The following IL1RAPL1 variants were observed in gnomAD, a reference collection of about 807,000 sequenced individuals.
IL1RAPL1 encodes interleukin-1 receptor accessory protein-like 1.
Under a neutral mutation model 48.4 loss-of-function variants are expected in IL1RAPL1, and 3 were observed. The observed-to-expected ratio is 0.06, with a 90% CI of 0.03 to 0.16. The LOEUF is 0.16. Among genes scored for constraint, IL1RAPL1 ranks in the 10% least tolerant of loss-of-function variants. The pLI, the probability that IL1RAPL1 is intolerant of heterozygous loss-of-function variation, is 1.00. For synonymous variants in IL1RAPL1, 185 were observed against 187.7 expected, an observed-to-expected ratio of 0.99 and a Z score of 0.12; for missense variants, 349 against 530.6, an observed-to-expected ratio of 0.66 and a Z score of 3.36.
chrX:28,614,328 G>GT (rs200937768), intron 1 of IL1RAPL1, among the ~76,000 whole-genome samples: 13 of 107,801 alleles, frequency 1.2e-4, no homozygotes, highest in African/African-American at 1.7e-4. Context: ...ATGTGTAATA[G>GT]TTTTTTTTTT....
At chrX:28,967,695 A>G (rs1202100536) in intron 2 of IL1RAPL1, among the ~76,000 whole-genome samples, 1 of 111,751 alleles carries the variant, frequency 8.9e-6, no homozygotes, top group African/African-American at 3.2e-5. Context: ...TAACTTCCTT[A>G]TGAACATCAC....
At chrX:29,767,794 T>C (rs1476693207) in intron 6 of IL1RAPL1, among the ~76,000 whole-genome samples, 2 of 111,851 alleles carry the variant, frequency 1.8e-5, no homozygotes, top group Admixed American at 9.5e-5. Flanking sequence ...TGGTATCTGA[T>C]CTTGTAAATT....
intron 2 of IL1RAPL1, among the ~76,000 whole-genome samples, chrX:28,841,688 G>A (rs772553273): frequency 2.6e-4 from 29 of 110,580 alleles, no homozygotes; most frequent in Non-Finnish European, 5.0e-4. Context: ...AACCTGGTAA[G>A]TGGTAGTTTG....
At chrX:29,021,686 C>T (rs997155139) in intron 2 of IL1RAPL1, among the ~76,000 whole-genome samples, 5 of 111,627 alleles carry the variant, frequency 4.5e-5, no homozygotes, top group African/African-American at 9.8e-5. Flanking sequence ...CCCTTTTCTC[C>T]GTTATTTTAA....
intron 3 of IL1RAPL1, among the ~76,000 whole-genome samples, chrX:29,350,810 T>C (rs5929075): frequency 0.48 from 52,901 of 110,213 alleles, 9,462 homozygotes; most frequent in Middle Eastern, 0.65. Context: ...TGTTTAATAT[T>C]AGAAGTACGT....
intron 6 of IL1RAPL1, among the ~76,000 whole-genome samples, chrX:29,708,352 C>G (rs1927255520): frequency 9.0e-6 from 1 of 111,682 alleles, no homozygotes; most frequent in Non-Finnish European, 1.9e-5. Context: ...ATAACTAAAA[C>G]TTTTCCTCCA....
intron 2 of IL1RAPL1, among the ~76,000 whole-genome samples, chrX:29,168,290 T>C (rs1409726555): frequency 9.3e-6 from 1 of 107,958 alleles, no homozygotes; most frequent in East Asian, 2.9e-4. Flanking sequence ...ACTTATTCTT[T>C]CCTGTCTAAC....
intron 2 of IL1RAPL1, among the ~76,000 whole-genome samples, chrX:28,994,942 A>G (rs1427888135): frequency 1.8e-5 from 2 of 111,765 alleles, no homozygotes; most frequent in Non-Finnish European, 3.8e-5. Context: ...TGTATTTAAG[A>G]TGATTTCTAG....
intron 2 of IL1RAPL1, among the ~76,000 whole-genome samples, chrX:29,051,631 C>A (rs958422274): frequency 8.9e-6 from 1 of 111,953 alleles, no homozygotes; most frequent in African/African-American, 3.2e-5. Context: ...ACCTTGGCTA[C>A]CTTTTGCTGC....
At chrX:29,885,256 G>A (rs778490188) in intron 6 of IL1RAPL1, among the ~76,000 whole-genome samples, 26 of 111,764 alleles carry the variant, frequency 2.3e-4, no homozygotes, top group East Asian at 2.0e-3. Flanking sequence ...GTCCTATTTC[G>A]ATTTCTATTT....
At chrX:28,807,274 A>G (rs1400156402) in intron 2 of IL1RAPL1, among the ~76,000 whole-genome samples, 1 of 111,385 alleles carries the variant, frequency 9.0e-6, no homozygotes, top group Non-Finnish European at 1.9e-5. Context: ...TAGACCTAAT[A>G]TGGAATTAGT....
intron 2 of IL1RAPL1, among the ~76,000 whole-genome samples, chrX:29,212,600 C>T (rs905997077): frequency 1.8e-5 from 2 of 112,104 alleles, no homozygotes; most frequent in African/African-American, 3.2e-5. Context: ...TGAGCCACCA[C>T]GCCCAGCCTG....
At chrX:29,073,017 C>G (rs1477766742) in intron 2 of IL1RAPL1, among the ~76,000 whole-genome samples, 1 of 111,545 alleles carries the variant, frequency 9.0e-6, no homozygotes, top group Non-Finnish European at 1.9e-5. Context: ...CAGCCTTGTG[C>G]TAGTGTTCAA....
At chrX:29,599,968 G>C (rs1024519722) in intron 5 of IL1RAPL1, among the ~76,000 whole-genome samples, 3 of 111,967 alleles carry the variant, frequency 2.7e-5, no homozygotes, top group African/African-American at 9.7e-5. Context: ...TTTCTCTGGT[G>C]CATCCTTGAT....
chrX:28,850,804 C>G (rs1196258555), intron 2 of IL1RAPL1, among the ~76,000 whole-genome samples: 1 of 105,491 alleles, frequency 9.5e-6, no homozygotes, highest in South Asian at 4.3e-4. Context: ...AAAACCTGAT[C>G]TGTAGTCCTA....
chrX:29,264,873 T>G (rs773289189), intron 2 of IL1RAPL1, among the ~76,000 whole-genome samples: 1 of 111,116 alleles, frequency 9.0e-6, no homozygotes, highest in East Asian at 2.8e-4. Flanking sequence ...GCTTTTGGTT[T>G]CATTAATTTT....
At chrX:29,542,583 A>G (rs950927940) in intron 5 of IL1RAPL1, among the ~76,000 whole-genome samples, 3 of 112,078 alleles carry the variant, frequency 2.7e-5, no homozygotes, top group African/African-American at 9.7e-5. Flanking sequence ...CTGAATCCCT[A>G]TGGAGAGTAA....
At chrX:28,859,322 A>C (rs1046241688) in intron 2 of IL1RAPL1, among the ~76,000 whole-genome samples, 5 of 112,169 alleles carry the variant, frequency 4.5e-5, no homozygotes, top group African/African-American at 1.6e-4. Flanking sequence ...GCAGTGGCGC[A>C]ATCTTGGCTC....
At chrX:29,691,302 G>A (rs1262325418) in intron 6 of IL1RAPL1, among the ~76,000 whole-genome samples, 4 of 111,671 alleles carry the variant, frequency 3.6e-5, no homozygotes, top group African/African-American at 1.3e-4. Context: ...AATGCAATGT[G>A]ATTTGAAACG....
Sources: gnomAD v4.1 joint callset for allele counts (sites outside exome capture counted in the v4.1 genomes callset) on GRCh38, gnomAD v4.1.1 for gene constraint, MANE v1.5 for transcripts, NCBI Gene and HGNC (gene_info 2026-07-23, HGNC 2026-07-21) for gene names.